AUTS2: variants seen among roughly 807,000 people sequenced by gnomAD.
The protein encoded by AUTS2 is activator of transcription and developmental regulator AUTS2.
In AUTS2, 17 loss-of-function variants were observed where a neutral mutation model predicts 112.4. That is an observed-to-expected ratio of 0.15 (90% CI 0.10 to 0.23). The LOEUF (loss-of-function observed/expected upper bound fraction) is 0.23, where lower values mean the gene tolerates loss of function less well. AUTS2 is among the 10% of genes least tolerant of loss of function. The pLI, the probability that AUTS2 is intolerant of heterozygous loss-of-function variation, is 1.00. For missense variants in AUTS2, 1,510 were observed against 1,701.6 expected, an observed-to-expected ratio of 0.89 and a Z score of 1.98; for synonymous variants, 751 against 702.7, an observed-to-expected ratio of 1.07 and a Z score of -1.09.
chr7:70,575,048 C>G (rs1047569973), intron 5 of AUTS2, among the ~76,000 whole-genome samples: 1 of 152,168 alleles, frequency 6.6e-6, no homozygotes, highest in East Asian at 1.9e-4. Context: ...GTAATCGTTC[C>G]GCTCGGTTGC....
At chr7:69,878,386 C>G (rs964862847) in intron 1 of AUTS2, among the ~76,000 whole-genome samples, 1 of 152,120 alleles carries the variant, frequency 6.6e-6, no homozygotes, top group Admixed American at 6.6e-5. Context: ...TTTATTTACC[C>G]CCACACCTTT....
intron 5 of AUTS2, among the ~76,000 whole-genome samples, chr7:70,688,040 A>C (rs1221916151): frequency 6.6e-6 from 1 of 152,152 alleles, no homozygotes; most frequent in Admixed American, 6.5e-5. Flanking sequence ...TCTCCATCCT[A>C]GGACCCTTGC....
chr7:70,000,974 T>G (rs976969750), intron 2 of AUTS2, among the ~76,000 whole-genome samples: 1 of 152,194 alleles, frequency 6.6e-6, no homozygotes, highest in African/African-American at 2.4e-5. Flanking sequence ...TCTGCCAGGA[T>G]GGTTCTGCCT....
chr7:70,735,923 T>C (rs952251618), intron 6 of AUTS2, among the ~76,000 whole-genome samples: 1 of 152,092 alleles, frequency 6.6e-6, no homozygotes, highest in African/African-American at 2.4e-5. Flanking sequence ...ATTTGGAAGT[T>C]TAGATCAGTT....
chr7:69,906,243 C>T (rs1795145031), intron 2 of AUTS2, among the ~76,000 whole-genome samples: 2 of 152,198 alleles, frequency 1.3e-5, no homozygotes, highest in Non-Finnish European at 2.9e-5. Flanking sequence ...ACATTTTTCC[C>T]TCTTGTGATG....
intron 2 of AUTS2, among the ~76,000 whole-genome samples, chr7:69,969,213 A>G (rs1797749795): frequency 6.6e-6 from 1 of 152,122 alleles, no homozygotes; most frequent in South Asian, 2.1e-4. Context: ...TAAGGCACGT[A>G]AATAAACTAA....
At chr7:70,186,185 T>C (rs977182343) in intron 4 of AUTS2, among the ~76,000 whole-genome samples, 1 of 152,144 alleles carries the variant, frequency 6.6e-6, no homozygotes, top group African/African-American at 2.4e-5. Context: ...CGGGATGATA[T>C]GTAAAAATCC....
At chr7:69,728,593 A>G (rs1786632858) in intron 1 of AUTS2, among the ~76,000 whole-genome samples, 1 of 152,098 alleles carries the variant, frequency 6.6e-6, no homozygotes, top group Non-Finnish European at 1.5e-5. Flanking sequence ...AAGGCTTTAA[A>G]GAAAAACGGG....
At chr7:70,045,784 C>CTTT (rs746154629) in intron 2 of AUTS2, among the ~76,000 whole-genome samples, 5 of 126,790 alleles carry the variant, frequency 3.9e-5, no homozygotes, top group African/African-American at 9.1e-5. Context: ...AATTTTCTAC[C>CTTT]TTTTTTTTTT....
chr7:70,473,743 C>T lies in AUTS2; in HGVS notation c.690+37962C>T, dbSNP rs1317201754. 1.2e-4 allele frequency among the ~76,000 whole-genome samples: 18 copies of T among 148,084 alleles called. No homozygotes were observed. In the Admixed American group the frequency reaches 1.2e-3, roughly 10 times the overall value. ...TTTTTTTTTTTACTTAGGTTGGAAG[C>T]GCCCCCCAGATGATGCTTTTTAAGG... On this transcript the variant is annotated intron_variant, in intron 5 of 18. Coordinates refer to ENST00000342771, the MANE Select transcript of AUTS2 (RefSeq NM_015570.4).
intron 1 of AUTS2, among the ~76,000 whole-genome samples, chr7:69,663,443 C>A (rs56109540): frequency 0.034 from 5,198 of 152,128 alleles, 126 homozygotes; most frequent in Middle Eastern, 0.082. Flanking sequence ...TGTGAAGGTA[C>A]CAGCTAATAT....
chr7:70,029,158 A>G (rs1288577724), intron 2 of AUTS2, among the ~76,000 whole-genome samples: 1 of 152,068 alleles, frequency 6.6e-6, no homozygotes, highest in Non-Finnish European at 1.5e-5. Flanking sequence ...GTAAAATGGA[A>G]ACAGTGATAG....
chr7:69,918,389 G>A (rs536375783), intron 2 of AUTS2, among the ~76,000 whole-genome samples: 11 of 152,152 alleles, frequency 7.2e-5, no homozygotes, highest in Non-Finnish European at 5.9e-5. Flanking sequence ...TCAGGCCTCA[G>A]AGTTGTAAGT....
intron 4 of AUTS2, among the ~76,000 whole-genome samples, chr7:70,217,017 T>C (rs891208105): frequency 2.6e-5 from 4 of 152,160 alleles, no homozygotes; most frequent in East Asian, 3.9e-4. Context: ...TCAAGCAATT[T>C]TCGTGTTTCT....
chr7:70,247,850 T>G (rs1474941471), intron 4 of AUTS2, among the ~76,000 whole-genome samples: 1 of 152,212 alleles, frequency 6.6e-6, no homozygotes, highest in Non-Finnish European at 1.5e-5. Flanking sequence ...TGTTTCCCAT[T>G]AAATATGGTA....
chr7:69,697,151 C>A (rs532225141), intron 1 of AUTS2, among the ~76,000 whole-genome samples: 16 of 152,294 alleles, frequency 1.1e-4, no homozygotes, highest in Non-Finnish European at 1.6e-4. Context: ...CTGGGTGGGG[C>A]CTTAAAATTT....
chr7:70,227,180 A>T (rs1275561280), intron 4 of AUTS2, among the ~76,000 whole-genome samples: 1 of 152,136 alleles, frequency 6.6e-6, no homozygotes, highest in Non-Finnish European at 1.5e-5. Context: ...GGAAACAATG[A>T]TTCTTTTAAC....
intron 9 of AUTS2, among the ~76,000 whole-genome samples, chr7:70,767,140 AGG>A (rs1789995804): frequency 6.6e-6 from 1 of 152,188 alleles, no homozygotes; most frequent in African/African-American, 2.4e-5. Flanking sequence ...TTAATATTTC[AGG>A]AAATACTGGA....
chr7:69,662,671 G>A (rs1795857760), intron 1 of AUTS2, among the ~76,000 whole-genome samples: 1 of 152,142 alleles, frequency 6.6e-6, no homozygotes, highest in African/African-American at 2.4e-5. Context: ...AGTGGTGAGG[G>A]CACATTTAGC....
Sources: gnomAD v4.1 joint callset for allele counts (sites outside exome capture counted in the v4.1 genomes callset) on GRCh38, gnomAD v4.1.1 for gene constraint, MANE v1.5 for transcripts, NCBI Gene and HGNC (gene_info 2026-07-23, HGNC 2026-07-21) for gene names.